TRIM14: variants seen among roughly 807,000 people sequenced by gnomAD.
TRIM14 encodes tripartite motif-containing protein 14.
In TRIM14, 28 loss-of-function variants were observed where a neutral mutation model predicts 44.5. That is an observed-to-expected ratio of 0.63 (90% CI 0.47 to 0.86). The LOEUF (loss-of-function observed/expected upper bound fraction) is 0.86. Ranked by LOEUF, TRIM14 falls within the 40% of genes least tolerant of loss-of-function variation. The pLI is 0.00. For synonymous variants in TRIM14, 299 were observed against 269.2 expected (o/e 1.11, Z -1.08); for missense variants, 607 against 611.1 (o/e 0.99, Z 0.07).
At chr9:98,099,452 CAAAA>C (rs768209860) in intron 3 of TRIM14, among the ~76,000 whole-genome samples, 1 of 36,832 alleles carries the variant, frequency 2.7e-5, no homozygotes, top group African/African-American at 1.0e-4. Context: ...AACTCCATCT[CAAAA>C]AAAAAAAAAA....
chr9:98,064,552 G>A (rs564218566), downstream of TRIM14, among the ~76,000 whole-genome samples: 3 of 152,186 alleles, frequency 2.0e-5, no homozygotes, highest in African/African-American at 7.2e-5. Flanking sequence ...CACCGCACCC[G>A]CCCTAATTCC....
intron 6 of TRIM14, among the ~76,000 whole-genome samples, chr9:98,072,002 G>A (rs965893097): frequency 1.6e-4 from 25 of 152,244 alleles, no homozygotes; most frequent in African/African-American, 5.5e-4. Context: ...TGTTTGCAGC[G>A]GGGCTTCCTC....
chr9:98,057,178 G>A, the TRIM14 span, among the ~76,000 whole-genome samples: 5 of 152,300 alleles, frequency 3.3e-5, no homozygotes, highest in Admixed American at 6.5e-5. Flanking sequence ...CCCCGTTCTG[G>A]TGCCAGAATA....
downstream of TRIM14, among the ~76,000 whole-genome samples, chr9:98,067,566 G>A (rs995651548): frequency 1.3e-5 from 2 of 152,108 alleles, no homozygotes; most frequent in African/African-American, 4.8e-5. Context: ...TCAGTTTTAA[G>A]AATTGGATTA....
At chr9:98,053,802 A>AAAATAAATAAATAAATAAAT in the TRIM14 span, among the ~76,000 whole-genome samples, 1,828 of 146,422 alleles carry the variant, frequency 0.012, 18 homozygotes, top group Non-Finnish European at 0.015. Flanking sequence ...AGCCCACTAC[A>AAAATAAATAAATAAATAAAT]AAATAAATAA....
intron 6 of TRIM14, among the ~76,000 whole-genome samples, chr9:98,072,434 C>T (rs1016878651): frequency 2.7e-5 from 4 of 148,644 alleles, no homozygotes; most frequent in South Asian, 2.1e-4. Context: ...TTTTTTGAGA[C>T]GGAGTCTCGC....
chr9:98,072,211 G>T (rs759575322), intron 6 of TRIM14, among the ~76,000 whole-genome samples: 56 of 152,296 alleles, frequency 3.7e-4, no homozygotes, highest in Non-Finnish European at 6.8e-4. Context: ...CTATCTGGAG[G>T]ATTCAGGGAG....
intron 2 of TRIM14, among the ~76,000 whole-genome samples, 195 bp downstream of exon 2, chr9:98,109,693 TC>T (rs778707396): frequency 3.3e-5 from 5 of 152,206 alleles, no homozygotes; most frequent in Non-Finnish European, 7.3e-5. Flanking sequence ...CAGAGCCCCT[TC>T]ATGGTCTTGC....
chr9:98,092,042 C>T, intron 4 of TRIM14, 41 bp from the exon 5 acceptor site: 1 of 1,492,880 alleles, frequency 6.7e-7, no homozygotes, highest in African/African-American at 1.4e-5. Context: ...GGAGCTTATG[C>T]AAGCAGACAA....
rs937861917 is a variant in TRIM14 at position 98,086,702 on chromosome 9, C to G, written c.*768G>C. The G allele has an allele frequency of 4.6e-5, 7 of 152,224 alleles. No homozygotes were observed. The highest frequency in any genetic ancestry group is 8.8e-5 in the Non-Finnish European group (6 of 68,104). The allele number at this position is 152,224 out of a possible 1,614,324, so 9.4% of individuals were successfully genotyped here. ...GCAGCAGAGAGGTGTGGAGGTGGAA[C>G]TATGCGACACATTTCTGACTGGAGA... On this transcript the variant is annotated 3_prime_UTR_variant, in exon 6 of 6. Transcript: ENST00000341469.
At chr9:98,098,552 A>T (rs1826268272) in intron 3 of TRIM14, among the ~76,000 whole-genome samples, 1 of 151,752 alleles carries the variant, frequency 6.6e-6, no homozygotes, top group Non-Finnish European at 1.5e-5. Context: ...TCTACTAAAA[A>T]ATACAAAAAA....
At chr9:98,077,648 C>T (rs546558898) in intron 6 of TRIM14, among the ~76,000 whole-genome samples, 29 of 152,194 alleles carry the variant, frequency 1.9e-4, no homozygotes, top group Non-Finnish European at 4.0e-4. Flanking sequence ...AGTTTGAGAC[C>T]GCAGTGGGAC....
intron 6 of TRIM14, among the ~76,000 whole-genome samples, chr9:98,072,001 C>T (rs1451659301): frequency 2.0e-5 from 3 of 152,112 alleles, no homozygotes; most frequent in Non-Finnish European, 2.9e-5. Context: ...GTGTTTGCAG[C>T]GGGGCTTCCT....
At chr9:98,038,732 C>T in the TRIM14 span, among the ~76,000 whole-genome samples, 1 of 152,140 alleles carries the variant, frequency 6.6e-6, no homozygotes, top group Non-Finnish European at 1.5e-5. Flanking sequence ...TGCTCAGCCT[C>T]ACCCCAGAAT....
At chr9:98,082,442 G>C (rs1829913489), downstream of TRIM14, among the ~76,000 whole-genome samples, 1 of 152,226 alleles carries the variant, frequency 6.6e-6, no homozygotes, top group Non-Finnish European at 1.5e-5. Flanking sequence ...GTAACCAAAA[G>C]AATCAGAGTT....
At chr9:98,068,870 A>T (rs985380202), downstream of TRIM14, among the ~76,000 whole-genome samples, 2 of 152,114 alleles carry the variant, frequency 1.3e-5, no homozygotes, top group African/African-American at 4.8e-5. Flanking sequence ...GGTGTCAAGG[A>T]TACAAAGAAA....
chr9:98,087,155 T>C lies in TRIM14; in HGVS notation c.*315A>G. ...GAAGGTTCCCAGGCTGCGGATGATG[T>C]ATTCAGGATGCTGAGGGCTTACCTG... On this transcript the variant is annotated 3_prime_UTR_variant, in exon 6 of 6. Coordinates refer to ENST00000341469, the MANE Select transcript of TRIM14 (RefSeq NM_014788.4). The C allele has an allele frequency of 1.6e-6, 1 of 625,614 alleles. No individual in the cohort carries two copies. The highest frequency in any genetic ancestry group is 3.1e-5 in the East Asian group (1 of 32,032). The allele number at this position is 625,614 out of a possible 1,614,324, so 38.8% of individuals were successfully genotyped here. A position where few individuals can be genotyped will look rare whatever the true frequency, so the allele number is the denominator to read the frequency against.
intron 3 of TRIM14, 33 bp downstream of exon 3, chr9:98,099,898 T>C (rs1192892966): frequency 6.3e-7 from 1 of 1,586,522 alleles, no homozygotes; most frequent in African/African-American, 1.3e-5. Context: ...GGGTGGCAGG[T>C]GGCAGCAGTA....
downstream of TRIM14, among the ~76,000 whole-genome samples, chr9:98,066,130 T>G (rs1829141020): frequency 1.3e-5 from 2 of 152,198 alleles, no homozygotes; most frequent in Non-Finnish European, 1.5e-5. Context: ...ATACCTAGTG[T>G]TGAATCCATA....
Sources: gnomAD v4.1 joint callset for allele counts (sites outside exome capture counted in the v4.1 genomes callset) on GRCh38, gnomAD v4.1.1 for gene constraint, MANE v1.5 for transcripts, NCBI Gene and HGNC (gene_info 2026-07-23, HGNC 2026-07-21) for gene names.